The following CTNNA3 variants were observed in gnomAD, a reference collection of about 807,000 sequenced individuals.
CTNNA3 encodes catenin alpha 3.
CTNNA3 carries 76 observed loss-of-function variants against 95.7 expected under a neutral mutation model. The ratio of observed to expected loss-of-function variants is 0.79; its 90% CI spans 0.66 to 0.96. CTNNA3 has a LOEUF of 0.96. Ranked by LOEUF, CTNNA3 falls within the 40% of genes least tolerant of loss-of-function variation. The pLI is 0.00. For synonymous variants in CTNNA3, 431 were observed against 374.4 expected, an observed-to-expected ratio of 1.15 and a Z score of -1.74; for missense variants, 1,191 against 1,089.8, an observed-to-expected ratio of 1.09 and a Z score of -1.31.
intron 13 of CTNNA3, among the ~76,000 whole-genome samples, chr10:66,178,650 T>C (rs2085871153): frequency 1.3e-5 from 2 of 151,380 alleles, no homozygotes; most frequent in South Asian, 4.2e-4. Context: ...TTGGAGCACA[T>C]ATTTAAAAAC....
At chr10:66,041,788 A>G (rs147170680) in intron 15 of CTNNA3, among the ~76,000 whole-genome samples, 1 of 152,252 alleles carries the variant, frequency 6.6e-6, no homozygotes, top group East Asian at 1.9e-4. Flanking sequence ...ATCCTGATCC[A>G]GATTCTCATA....
intron 5 of CTNNA3, among the ~76,000 whole-genome samples, chr10:67,399,116 C>T (rs771820082): frequency 1.2e-4 from 18 of 152,046 alleles, no homozygotes; most frequent in Non-Finnish European, 2.5e-4. Context: ...AAGGGTGGGT[C>T]TTGCTGTCTC....
intron 14 of CTNNA3, among the ~76,000 whole-genome samples, chr10:66,096,078 TATA>T (rs1425905488): frequency 3.3e-5 from 5 of 152,304 alleles, no homozygotes; most frequent in African/African-American, 9.6e-5. Flanking sequence ...TCGTTGAAAT[TATA>T]ATATTTAAAT....
intron 4 of CTNNA3, among the ~76,000 whole-genome samples, chr10:67,538,690 C>T (rs1284032846): frequency 6.6e-6 from 1 of 151,956 alleles, no homozygotes; most frequent in South Asian, 2.1e-4. Flanking sequence ...TCAAATAAGA[C>T]CATTGCTTAC....
intron 7 of CTNNA3, among the ~76,000 whole-genome samples, chr10:66,823,360 C>G (rs922866341): frequency 9.2e-5 from 14 of 152,016 alleles, no homozygotes; most frequent in African/African-American, 3.4e-4. Flanking sequence ...TTATTAATTT[C>G]CTAACTCAAA....
At chr10:66,710,518 T>TTAATGAAGATAATTTCATTATCTTTGTGA (rs1448994518) in intron 9 of CTNNA3, among the ~76,000 whole-genome samples, 5 of 151,918 alleles carry the variant, frequency 3.3e-5, no homozygotes, top group Non-Finnish European at 7.4e-5. Flanking sequence ...GAAATTATCT[T>TTAATGAAGATAATTTCATTATCTTTGTGA]TAATGAAGAT....
intron 16 of CTNNA3, among the ~76,000 whole-genome samples, chr10:65,975,998 C>G (rs2078201878): frequency 6.6e-6 from 1 of 152,082 alleles, no homozygotes; most frequent in East Asian, 1.9e-4. Context: ...AATAATCACA[C>G]AACACCCACA....
intron 1 of CTNNA3, among the ~76,000 whole-genome samples, chr10:67,741,058 A>G (rs1841334578): frequency 6.6e-6 from 1 of 150,752 alleles, no homozygotes; most frequent in Non-Finnish European, 1.5e-5. Flanking sequence ...CTATCGCAAG[A>G]ACAAAAAAAC....
intron 10 of CTNNA3, among the ~76,000 whole-genome samples, chr10:66,601,237 T>C (rs1166273138): frequency 6.6e-6 from 1 of 151,816 alleles, no homozygotes; most frequent in Non-Finnish European, 1.5e-5. Flanking sequence ...AGCAGATTCA[T>C]GACTTTAATT....
At chr10:66,629,643 C>A (rs1188610146) in intron 9 of CTNNA3, among the ~76,000 whole-genome samples, 1 of 152,050 alleles carries the variant, frequency 6.6e-6, no homozygotes, top group East Asian at 1.9e-4. Flanking sequence ...ATCACCTTTC[C>A]ATCCCCACAT....
chr10:67,057,110 T>C (rs1475783732), intron 7 of CTNNA3, among the ~76,000 whole-genome samples: 1 of 152,210 alleles, frequency 6.6e-6, no homozygotes, highest in Non-Finnish European at 1.5e-5. Flanking sequence ...TAAAACATTG[T>C]CTTTCAATTT....
intron 13 of CTNNA3, among the ~76,000 whole-genome samples, chr10:66,223,446 G>A (rs1484856738): frequency 2.2e-4 from 33 of 151,886 alleles, no homozygotes; most frequent in Admixed American, 2.0e-3. Flanking sequence ...TACGTTCATC[G>A]TTCAAAGGCA....
chr10:66,486,912 C>T (rs369578857), intron 11 of CTNNA3, among the ~76,000 whole-genome samples: 4 of 151,858 alleles, frequency 2.6e-5, no homozygotes, highest in East Asian at 3.9e-4. Flanking sequence ...TACACGGACC[C>T]GAAATACATT....
At chr10:66,033,409 A>C (rs1358277363) in intron 15 of CTNNA3, among the ~76,000 whole-genome samples, 1 of 152,136 alleles carries the variant, frequency 6.6e-6, no homozygotes, top group Non-Finnish European at 1.5e-5. Context: ...TGCTGGGATT[A>C]CAGGCGTGAG....
chr10:67,638,793 G>C (rs1839417877), intron 2 of CTNNA3, among the ~76,000 whole-genome samples: 1 of 152,140 alleles, frequency 6.6e-6, no homozygotes, highest in Non-Finnish European at 1.5e-5. Context: ...CAGAAATAAA[G>C]ATGTTCTTTG....
At chr10:66,765,964 G>A (rs1274806752) in intron 9 of CTNNA3, among the ~76,000 whole-genome samples, 4 of 152,160 alleles carry the variant, frequency 2.6e-5, no homozygotes, top group African/African-American at 9.7e-5. Context: ...ATGTGATAGA[G>A]TATTTGATAC....
chr10:67,181,700 C>G (rs1265769349), intron 6 of CTNNA3, among the ~76,000 whole-genome samples: 1 of 149,764 alleles, frequency 6.7e-6, no homozygotes, highest in Non-Finnish European at 1.5e-5. Flanking sequence ...AAATCTTATA[C>G]TTATCATTGT....
Position 67,220,487 on chromosome 10 carries a change from T to C in CTNNA3, c.580-617A>G, listed in dbSNP as rs534788042. 2.3e-4 allele frequency among the ~76,000 whole-genome samples: 35 copies of C among 152,246 alleles called. 1 individual carries two copies. Among genetic ancestry groups the C allele is most frequent in the African/African-American group, 8.4e-4 (35 of 41,540 alleles). ...TACAAGGACCTTGTTCTTCTTTCTT[T>C]TGGGGGGAAAGGGCCTACAGACAAA... is the stretch of plus-strand genomic sequence containing the variant. On this transcript the variant is annotated intron_variant, in intron 5 of 17. Coordinates refer to ENST00000433211, the MANE Select transcript of CTNNA3 (RefSeq NM_013266.4).
intron 14 of CTNNA3, among the ~76,000 whole-genome samples, chr10:66,069,893 T>C (rs2080398072): frequency 6.6e-6 from 1 of 152,134 alleles, no homozygotes; most frequent in Admixed American, 6.6e-5. Flanking sequence ...GAAATGAGAC[T>C]ATGTCTACCT....
Sources: allele counts gnomAD v4.1 joint callset (sites outside exome capture counted in the v4.1 genomes callset), GRCh38; gene constraint gnomAD v4.1.1; transcripts MANE v1.5; gene names NCBI Gene and HGNC (gene_info 2026-07-23, HGNC 2026-07-21).